Variants in ASB3 observed in about 807,000 individuals in gnomAD.
ASB3 encodes the protein ankyrin repeat and SOCS box containing 3, also known as ankyrin repeat and SOCS box protein 3.
ASB3 carries 41 observed loss-of-function variants against 54.5 expected under a neutral mutation model. The observed-to-expected ratio is 0.75, with a 90% confidence interval of 0.59 to 0.98. ASB3 has a LOEUF of 0.98. Ranked by LOEUF, ASB3 falls within the 50% of genes least tolerant of loss-of-function variation. ASB3 has a pLI of 0.00. For missense variants in ASB3, 733 were observed against 620.0 expected (o/e 1.18, Z -1.94); for synonymous variants, 266 against 221.2 (o/e 1.20, Z -1.80).
rs139014010 is a variant in ASB3 at position 53,750,824 on chromosome 2, G to A, written c.314C>T (p.Pro105Leu). Residue 105 changes from proline to leucine, a missense_variant, in exon 3 of 10, where the codon CCT (proline) becomes CTT (leucine). Transcript: ENST00000263634. ...CGTTTCTTCTAAAGTAGTTGCATTA[G>A]GATCTGCCCCAGCTTCTAAAAGAAT... ...VQILLEAGAD[P>L]NATTLEETTP... 1.4e-5 allele frequency: 23 copies of A among 1,597,358 alleles called. No individual in the cohort carries two copies. In the Admixed American group the frequency reaches 2.1e-4, roughly 14 times the overall value.
At chr2:53,730,253 C>T (rs1374492959) in intron 3 of ASB3, among the ~76,000 whole-genome samples, 7 of 152,050 alleles carry the variant, frequency 4.6e-5, no homozygotes, top group African/African-American at 1.4e-4. Flanking sequence ...TTACAAAGTG[C>T]TTTATAAAAT....
In ASB3 at chr2:53,714,132, A is replaced by T. The variant is rs1670258721; in HGVS notation, c.980+252T>A. On this transcript the variant is annotated intron_variant, in intron 7 of 9. Transcript: ENST00000263634. The stretch of plus-strand genomic sequence containing the variant: ...AAATTTCTGCGTCTACTTAAATTGT[A>T]CGTATTCCCTAAGATTGCTACACTA... Among the ~76,000 whole-genome samples, 2 of 152,252 alleles carry T rather than the reference A, an allele frequency of 1.3e-5. 1 individual carries two copies. Among genetic ancestry groups the T allele is most frequent in the Non-Finnish European group, 2.9e-5 (2 of 68,014 alleles).
chr2:53,705,748 G>A (rs1402451038), intron 7 of ASB3, among the ~76,000 whole-genome samples: 2 of 152,008 alleles, frequency 1.3e-5, no homozygotes, highest in African/African-American at 4.8e-5. Context: ...TGACGCTCTT[G>A]TTTTTTTCTT....
intron 2 of ASB3, among the ~76,000 whole-genome samples, chr2:53,754,205 A>G (rs1158084349): frequency 2.0e-5 from 3 of 152,232 alleles, no homozygotes; most frequent in Non-Finnish European, 4.4e-5. Flanking sequence ...GTACAGGTAT[A>G]AAATAAGTAA....
intron 1 of ASB3, among the ~76,000 whole-genome samples, chr2:53,783,852 T>C (rs1408310193): frequency 6.6e-6 from 1 of 152,210 alleles, no homozygotes; most frequent in East Asian, 1.9e-4. Context: ...TGAAATTAGT[T>C]ATACCCCTAC....
intron 7 of ASB3, among the ~76,000 whole-genome samples, chr2:53,704,359 CAAAAA>C (rs10547453): frequency 1.8e-5 from 2 of 110,584 alleles, no homozygotes; most frequent in Admixed American, 9.6e-5. Context: ...GAGACTGTCT[CAAAAA>C]AAAAAAAAAA....
At chr2:53,760,596 T>G (rs1186040095) in intron 2 of ASB3, among the ~76,000 whole-genome samples, 3 of 152,130 alleles carry the variant, frequency 2.0e-5, no homozygotes, top group Non-Finnish European at 4.4e-5. Flanking sequence ...GGCTAGCCAC[T>G]GAAGAAGGAA....
chr2:53,765,598 G>C lies in ASB3; in HGVS notation c.-13-13C>G. ...TTGTTTGACCAGTCTACAAAACAAG[G>C]TAGAAGGATAATACTATAGTCAATA... On this transcript the variant is annotated splice_polypyrimidine_tract_variant and intron_variant, in intron 1 of 9. Transcript: ENST00000263634. The C allele has an allele frequency of 6.2e-7, 1 of 1,614,102 alleles. No homozygotes were observed. Among genetic ancestry groups the C allele is most frequent in the South Asian group, 1.1e-5 (1 of 91,070 alleles).
intron 1 of ASB3, chr2:53,775,312 G>C (rs1674252095): frequency 1.3e-5 from 2 of 152,098 alleles, no homozygotes; most frequent in South Asian, 4.2e-4. Context: ...ACAGCTTTTG[G>C]AATTCTTTGT....
intron 4 of ASB3, 67 bp from the exon 5 acceptor site, chr2:53,728,914 C>T: frequency 6.8e-7 from 1 of 1,472,572 alleles, no homozygotes; most frequent in Non-Finnish European, 9.0e-7. Context: ...TTTCTTCTTA[C>T]TGTGTTTTTT....
intron 1 of ASB3, among the ~76,000 whole-genome samples, chr2:53,780,469 A>G (rs551255866): frequency 1.3e-5 from 2 of 152,252 alleles, no homozygotes; most frequent in South Asian, 2.1e-4. Flanking sequence ...TATTTAATAT[A>G]AAAGATGTGA....
chr2:53,775,921 G>T (rs981686611), intron 1 of ASB3, among the ~76,000 whole-genome samples: 1 of 152,104 alleles, frequency 6.6e-6, no homozygotes, highest in Non-Finnish European at 1.5e-5. Flanking sequence ...AGTATCAATT[G>T]GGTGTATGCT....
intron 9 of ASB3, among the ~76,000 whole-genome samples, chr2:53,678,948 C>T (rs1019660791): frequency 3.9e-5 from 6 of 152,178 alleles, no homozygotes; most frequent in African/African-American, 1.4e-4. Flanking sequence ...CCAACAGACA[C>T]CAGTTTCTAT....
At chr2:53,772,765 CAT>C (rs999749811) in intron 1 of ASB3, among the ~76,000 whole-genome samples, 4 of 152,142 alleles carry the variant, frequency 2.6e-5, no homozygotes, top group Non-Finnish European at 5.9e-5. Context: ...CATAGGTAAA[CAT>C]GTGTCATGGG....
At chr2:53,749,913 G>A (rs1008703628) in intron 3 of ASB3, among the ~76,000 whole-genome samples, 1 of 151,876 alleles carries the variant, frequency 6.6e-6, no homozygotes, top group Non-Finnish European at 1.5e-5. Flanking sequence ...ATATTAAAAA[G>A]AATGAATTTT....
In ASB3 at chr2:53,763,858, C is replaced by T. The variant is rs960104381; in HGVS notation, c.196+1519G>A. Among the ~76,000 whole-genome samples the T allele has an allele frequency of 2.6e-5, 4 of 152,132 alleles. 1 individual carries two copies. The highest frequency in any genetic ancestry group is 2.6e-4 in the Admixed American group (4 of 15,286). On this transcript the variant is annotated intron_variant, in intron 2 of 9. Transcript: ENST00000263634. ...ACAGATTCTGAAAACATATCTTAAG[C>T]GTTTGAAATTAGAGGAATAACATCT...
intron 3 of ASB3, among the ~76,000 whole-genome samples, chr2:53,746,157 G>A (rs569903930): frequency 6.6e-6 from 1 of 152,168 alleles, no homozygotes; most frequent in East Asian, 1.9e-4. Flanking sequence ...TTAGCTGGGT[G>A]TGGTGGCGGT....
At chr2:53,715,120 GA>G (rs560130390) in intron 6 of ASB3, among the ~76,000 whole-genome samples, 5 of 151,442 alleles carry the variant, frequency 3.3e-5, no homozygotes, top group East Asian at 3.9e-4. Context: ...TCTATTATCT[GA>G]AAAAAAAGTG....
intron 7 of ASB3, among the ~76,000 whole-genome samples, chr2:53,701,918 C>G (rs1308729315): frequency 6.6e-5 from 10 of 152,144 alleles, no homozygotes; most frequent in African/African-American, 2.4e-4. Context: ...CTTTGTAGAT[C>G]CATTCCTCTT....
Sources: allele counts gnomAD v4.1 joint callset (sites outside exome capture counted in the v4.1 genomes callset), GRCh38; gene constraint gnomAD v4.1.1; transcripts MANE v1.5; gene names NCBI Gene and HGNC (gene_info 2026-07-23, HGNC 2026-07-21).